Variants in RNF220 observed in about 807,000 individuals in gnomAD.
RNF220 encodes the protein ring finger protein 220.
RNF220 carries 7 observed loss-of-function variants against 67.1 expected under a neutral mutation model. That is an observed-to-expected ratio of 0.10 (90% confidence interval 0.06 to 0.20). The LOEUF (loss-of-function observed/expected upper bound fraction) is 0.20, where lower values mean the gene tolerates loss of function less well. Ranked by LOEUF, RNF220 falls within the 10% of genes least tolerant of loss-of-function variation. The pLI is 1.00. For missense variants in RNF220, 565 were observed against 740.3 expected, an observed-to-expected ratio of 0.76 and a Z score of 2.75; for synonymous variants, 270 against 283.2, an observed-to-expected ratio of 0.95 and a Z score of 0.47.
chr1:44,492,702 A>G (rs954876686), intron 2 of RNF220, among the ~76,000 whole-genome samples: 1 of 152,220 alleles, frequency 6.6e-6, no homozygotes, highest in Admixed American at 6.5e-5. Context: ...TATATGAAAT[A>G]TTCAGAACAG....
chr1:44,530,745 C>T (rs1490707309), intron 2 of RNF220, among the ~76,000 whole-genome samples: 1 of 152,036 alleles, frequency 6.6e-6, no homozygotes, highest in African/African-American at 2.4e-5. Flanking sequence ...GTGGGCAGAT[C>T]ATGAGGTCAG....
In RNF220 at chr1:44,651,320, C is replaced by T; in HGVS notation, c.*545C>T. ...CATCCACCTCTTGGGGTACCTGCCT[C>T]TCTCTCTCCTGTGGTGTCCCTTCCC... On this transcript the variant is annotated 3_prime_UTR_variant, in exon 15 of 15. Transcript: ENST00000361799. 1 of 178,652 alleles carries T rather than the reference C, an allele frequency of 5.6e-6. No individual in the cohort carries two copies. The allele number at this position is 178,652 out of a possible 1,614,324, so 11.1% of individuals were successfully genotyped here.
At chr1:44,418,198 G>A (rs1016457439) in intron 2 of RNF220, among the ~76,000 whole-genome samples, 6 of 152,190 alleles carry the variant, frequency 3.9e-5, no homozygotes, top group African/African-American at 7.2e-5. Flanking sequence ...GGCGTGAGGG[G>A]GACACAGCGC....
chr1:44,606,426 G>T lies in RNF220; in HGVS notation c.626-7739G>T, dbSNP rs1043842461. 6.6e-6 allele frequency among the ~76,000 whole-genome samples: 1 copy of T among 152,224 alleles called. No individual in the cohort carries two copies. The highest frequency in any genetic ancestry group is 2.4e-5 in the African/African-American group (1 of 41,464). ...GGGGAGAGTGGATGAGTAATTAGGT[G>T]GTTTGGATGGATGACAGGTGGATGA... is the stretch of plus-strand genomic sequence containing the variant. On this transcript the variant is annotated intron_variant, in intron 2 of 14. Coordinates refer to ENST00000361799, the MANE Select transcript of RNF220 (RefSeq NM_018150.4). This position sits in a 1 kb window ranked among gnomAD's most constrained non-coding sequence, Gnocchi z 4.2.
chr1:44,563,805 C>T (rs755001536), intron 2 of RNF220, among the ~76,000 whole-genome samples: 52 of 152,188 alleles, frequency 3.4e-4, no homozygotes, highest in Non-Finnish European at 6.6e-4. Context: ...TCTTCTTCCA[C>T]CCCTACCTTT....
intron 2 of RNF220, among the ~76,000 whole-genome samples, chr1:44,423,252 T>G (rs1213555009): frequency 6.6e-6 from 1 of 152,178 alleles, no homozygotes; most frequent in East Asian, 1.9e-4. Context: ...GGGTAGCAGT[T>G]GGCTTTTTTG....
rs192111408 is a variant in RNF220, at chr1:44,546,437, T to C, written c.626-67728T>C. Among the ~76,000 whole-genome samples, 7 of 152,288 alleles carry C rather than the reference T, an allele frequency of 4.6e-5. No individual in the cohort carries two copies. In the East Asian group the frequency reaches 1.4e-3, roughly 29 times the overall value. ...GTCCCTTCCCCCAGCCCCCTGCTAC[T>C]CACTCCCCTATATAATATTCCACGT... On this transcript the variant is annotated intron_variant, in intron 2 of 14. Coordinates refer to ENST00000361799, the MANE Select transcript of RNF220 (RefSeq NM_018150.4).
At chr1:44,502,742 G>A (rs1259517084) in intron 2 of RNF220, among the ~76,000 whole-genome samples, 7 of 149,350 alleles carry the variant, frequency 4.7e-5, no homozygotes, top group Non-Finnish European at 7.4e-5. Flanking sequence ...ACAGAAAAAC[G>A]TGTGAATTAT....
intron 2 of RNF220, among the ~76,000 whole-genome samples, chr1:44,500,161 C>T (rs1427580853): frequency 6.6e-6 from 1 of 152,224 alleles, no homozygotes. Context: ...AAAGTAAGAT[C>T]CAAACCTCTC....
At chr1:44,462,750 C>T (rs1045907906) in intron 2 of RNF220, among the ~76,000 whole-genome samples, 7 of 152,154 alleles carry the variant, frequency 4.6e-5, no homozygotes, top group East Asian at 3.8e-4. Context: ...CAAGAAAGGC[C>T]GGGCACGGTG....
At chr1:44,481,921 G>A (rs867075778) in intron 2 of RNF220, among the ~76,000 whole-genome samples, 1 of 152,124 alleles carries the variant, frequency 6.6e-6, no homozygotes, top group East Asian at 1.9e-4. Context: ...GTCGTAAGAG[G>A]GTCATTCTCT....
chr1:44,619,400 TTA>T (rs780137512), intron 3 of RNF220, among the ~76,000 whole-genome samples: 12 of 152,008 alleles, frequency 7.9e-5, no homozygotes, highest in Non-Finnish European at 1.5e-4. Context: ...CACTTAAGCC[TTA>T]TTTAAGGCCG....
intron 2 of RNF220, among the ~76,000 whole-genome samples, chr1:44,498,889 T>C (rs907188329): frequency 2.6e-5 from 4 of 152,172 alleles, no homozygotes; most frequent in Admixed American, 2.6e-4. Flanking sequence ...CTCATTTGGT[T>C]CCTTGACCTT....
At chr1:44,510,878 A>G (rs1658932516) in intron 2 of RNF220, among the ~76,000 whole-genome samples, 1 of 152,218 alleles carries the variant, frequency 6.6e-6, no homozygotes, top group Non-Finnish European at 1.5e-5. Flanking sequence ...TCACAGAGAA[A>G]ATGAGCAAAA....
At chr1:44,607,809 A>G (rs1414818549) in intron 2 of RNF220, among the ~76,000 whole-genome samples, 1 of 151,942 alleles carries the variant, frequency 6.6e-6, no homozygotes, top group Non-Finnish European at 1.5e-5. Context: ...TTTTCTATCT[A>G]GAGCACCACT....
Position 44,417,547 on chromosome 1 carries a change from C to G in RNF220, c.625+4825C>G, listed in dbSNP as rs1008126116. 6.6e-6 allele frequency among the ~76,000 whole-genome samples: 1 copy of G among 152,178 alleles called. No individual in the cohort carries two copies. The highest frequency in any genetic ancestry group is 1.9e-4 in the East Asian group (1 of 5,166). On this transcript the variant is annotated intron_variant, in intron 2 of 14. Transcript: ENST00000361799. The surrounding 1 kb of genome is among the most constrained non-coding windows in gnomAD (Gnocchi z 4.0). ...TGCCCTCGCTCCACGCCGCGCCGCTCTGTGCGGCGGCTGCCTCCTCTTACG... is the reference window on the plus strand; with the variant it reads ...TGCCCTCGCTCCACGCCGCGCCGCTGTGTGCGGCGGCTGCCTCCTCTTACG...
rs1206326622 is a variant in RNF220 at position 44,621,478 on chromosome 1, T to G, written c.759-1264T>G. Reference sequence around the variant, plus strand: ...TGTTTAACATCCTCTACCTACTCCATGCCAGTAGCAACCTCCCCTCCCTCC... The same window carrying G: ...TGTTTAACATCCTCTACCTACTCCAGGCCAGTAGCAACCTCCCCTCCCTCC... On this transcript the variant is annotated intron_variant, in intron 3 of 14. Transcript: ENST00000361799. This position sits in a 1 kb window ranked among gnomAD's most constrained non-coding sequence, Gnocchi z 4.8. Among the ~76,000 whole-genome samples the G allele has an allele frequency of 1.3e-5, 2 of 152,178 alleles. No individual in the cohort carries two copies. The highest frequency in any genetic ancestry group is 2.4e-5 in the African/African-American group (1 of 41,430).
chr1:44,507,743 C>T (rs376959036), intron 2 of RNF220, among the ~76,000 whole-genome samples: 5 of 152,152 alleles, frequency 3.3e-5, no homozygotes, highest in Admixed American at 6.5e-5. Context: ...CCGGTGTGGG[C>T]GGCTTGGGCG....
At chr1:44,504,946 T>C (rs1337811949) in intron 2 of RNF220, among the ~76,000 whole-genome samples, 1 of 152,158 alleles carries the variant, frequency 6.6e-6, no homozygotes, top group Non-Finnish European at 1.5e-5. Context: ...TTCTGACCTG[T>C]AAAAGTAAAG....
Sources: gnomAD v4.1 joint callset for allele counts (sites outside exome capture counted in the v4.1 genomes callset) on GRCh38, gnomAD v4.1.1 for gene constraint, Gnocchi (gnomAD v3.1) non-coding constraint, MANE v1.5 for transcripts, NCBI Gene and HGNC (gene_info 2026-07-23, HGNC 2026-07-21) for gene names.